GLT8D2: variants seen among roughly 807,000 people sequenced by gnomAD.
The protein encoded by GLT8D2 is glycosyltransferase 8 domain-containing protein 2.
GLT8D2 carries 45 observed loss-of-function variants against 44.5 expected under a neutral mutation model. The ratio of observed to expected loss-of-function variants is 1.01; its 90% CI spans 0.80 to 1.30. The LOEUF (loss-of-function observed/expected upper bound fraction) is 1.30. GLT8D2 is among the 50% of genes most tolerant of loss of function. The pLI, the probability that GLT8D2 is intolerant of heterozygous loss-of-function variation, is 0.00. For missense variants in GLT8D2, 400 were observed against 430.4 expected, an observed-to-expected ratio of 0.93 and a Z score of 0.62; for synonymous variants, 156 against 157.2, an observed-to-expected ratio of 0.99 and a Z score of 0.06.
At chr12:104,064,349 C>T (rs1882962242), upstream of GLT8D2, 2 of 449,190 alleles carry the variant, frequency 4.5e-6, no homozygotes, top group South Asian at 5.2e-5. The surrounding 1 kb of genome is among the most constrained non-coding windows in gnomAD (Gnocchi z 7.3). Context: ...CGGGTGGCCG[C>T]TGGCCAAGTC....
At chr12:103,991,670 A>G (rs2583274) in intron 10 of GLT8D2, among the ~76,000 whole-genome samples, 136,810 of 152,078 alleles carry the variant, frequency 0.9, 61,625 homozygotes, top group East Asian at 1. Flanking sequence ...CAACATGACT[A>G]TAAATCAAAT....
chr12:104,049,306 A>G (rs1217333136), intron 1 of GLT8D2: 1 of 151,360 alleles, frequency 6.6e-6, no homozygotes, highest in African/African-American at 2.4e-5. Context: ...TAAATTATAT[A>G]CCAGGCTTGT....
chr12:104,061,765 T>C (rs1326894410), intron 1 of GLT8D2, among the ~76,000 whole-genome samples: 2 of 151,804 alleles, frequency 1.3e-5, no homozygotes, highest in Non-Finnish European at 2.9e-5. Context: ...TCACCTGAGG[T>C]TGGGAGTTCA....
intron 1 of GLT8D2, among the ~76,000 whole-genome samples, chr12:104,046,964 A>G (rs1881217733): frequency 6.6e-6 from 1 of 152,060 alleles, no homozygotes; most frequent in Non-Finnish European, 1.5e-5. Context: ...AGCTGGGACA[A>G]TAGGCATGCA....
rs752975001 is a variant in GLT8D2, at chr12:103,994,347, T to G, written c.755A>C (p.Gln252Pro). ...AGCCTTCACGTACTCCACATTCTTT[T>G]GCATCCATTTCTCCAATTGCTTGGT... ...RITKQLEKWMQKNVEENLYSS... is the reference protein window; with the variant it reads ...RITKQLEKWMPKNVEENLYSS... Residue 252 changes from glutamine to proline, a missense_variant, in exon 9 of 11, where the codon CAA (glutamine) becomes CCA (proline). Coordinates refer to ENST00000360814, the MANE Select transcript of GLT8D2 (RefSeq NM_001384711.1). 1.2e-6 allele frequency: 2 copies of G among 1,611,798 alleles called. No homozygotes were observed. Among genetic ancestry groups the G allele is most frequent in the Middle Eastern group, 1.7e-4 (1 of 6,042 alleles).
intron 4 of GLT8D2, chr12:104,012,638 C>G (rs939025430): frequency 8.6e-6 from 4 of 466,804 alleles, no homozygotes; most frequent in Non-Finnish European, 1.5e-5. Flanking sequence ...CCTTCTCTCT[C>G]TCTCTCTTTT....
chr12:104,039,910 T>C (rs1443524780), intron 1 of GLT8D2, among the ~76,000 whole-genome samples: 1 of 152,186 alleles, frequency 6.6e-6, no homozygotes, highest in Non-Finnish European at 1.5e-5. Flanking sequence ...TGTCCATCAA[T>C]GATAGACTGA....
At chr12:104,032,541 C>T (rs1045779649) in intron 1 of GLT8D2, among the ~76,000 whole-genome samples, 19 of 141,818 alleles carry the variant, frequency 1.3e-4, no homozygotes, top group African/African-American at 5.2e-4. Context: ...ACACAAATGG[C>T]CAAGAGGTAT....
intron 1 of GLT8D2, among the ~76,000 whole-genome samples, chr12:104,033,433 A>G (rs1879556283): frequency 6.6e-6 from 1 of 152,170 alleles, no homozygotes; most frequent in Admixed American, 6.6e-5. Context: ...GTTCACTTAT[A>G]TGAGAAATCT....
chr12:104,028,332 C>G (rs1450443554), intron 1 of GLT8D2, among the ~76,000 whole-genome samples: 2 of 152,034 alleles, frequency 1.3e-5, no homozygotes, highest in Non-Finnish European at 2.9e-5. Flanking sequence ...AAAGATTTGG[C>G]ATGCCTGAAT....
intron 1 of GLT8D2, among the ~76,000 whole-genome samples, chr12:104,055,345 C>A (rs754616978): frequency 1.3e-5 from 2 of 152,202 alleles, no homozygotes; most frequent in Non-Finnish European, 2.9e-5. Context: ...GAGAGTAGAT[C>A]TGTAGAAGTA....
chr12:104,042,500 A>G (rs907817805), intron 1 of GLT8D2, among the ~76,000 whole-genome samples: 1 of 152,236 alleles, frequency 6.6e-6, no homozygotes, highest in Non-Finnish European at 1.5e-5. Context: ...CCAGTAGATT[A>G]AGTAGGTTCT....
chr12:104,059,083 C>T (rs1181112023), intron 1 of GLT8D2, among the ~76,000 whole-genome samples: 1 of 152,168 alleles, frequency 6.6e-6, no homozygotes, highest in Non-Finnish European at 1.5e-5. Flanking sequence ...TTACAAATTG[C>T]TTATTTCTGG....
In GLT8D2 at chr12:103,997,473, C is replaced by T. The variant is rs1873593689; in HGVS notation, c.465G>A (p.Leu155=). The change falls in exon 7 of 11, where the codon TTG becomes TTA. Residue 155 remains leucine, a synonymous_variant. Coordinates refer to ENST00000360814, the MANE Select transcript of GLT8D2 (RefSeq NM_001384711.1). ...TACCTTGTACAATTACATCATCGTC[C>T]AAATAGATGACTTTCTCGTGTTGGT... ...LIHQHEKVIY[L]DDDVIVQGDI... is the part of the protein sequence containing the mutation. 2 of 1,613,190 alleles carry T rather than the reference C, an allele frequency of 1.2e-6. No individual in the cohort carries two copies. Among genetic ancestry groups the T allele is most frequent in the Non-Finnish European group, 1.7e-6 (2 of 1,179,372 alleles).
chr12:104,018,512 T>C (rs1282938994), intron 3 of GLT8D2, among the ~76,000 whole-genome samples: 1 of 152,026 alleles, frequency 6.6e-6, no homozygotes, highest in Non-Finnish European at 1.5e-5. Flanking sequence ...AAAACAAAAC[T>C]ACAGAGAAGC....
intron 1 of GLT8D2, among the ~76,000 whole-genome samples, chr12:104,060,907 A>G (rs910990567): frequency 2.6e-5 from 4 of 151,922 alleles, no homozygotes; most frequent in African/African-American, 9.7e-5. Context: ...TGGATGACAG[A>G]GCCAGACCTT....
chr12:104,054,761 G>T (rs552062281), upstream of GLT8D2, among the ~76,000 whole-genome samples: 2 of 152,098 alleles, frequency 1.3e-5, no homozygotes, highest in African/African-American at 4.8e-5. Context: ...GGTGTCTTTT[G>T]CCCTTTCTTC....
intron 1 of GLT8D2, among the ~76,000 whole-genome samples, chr12:104,061,921 A>G (rs1177514161): frequency 6.7e-6 from 1 of 148,516 alleles, no homozygotes; most frequent in Non-Finnish European, 1.5e-5. Flanking sequence ...GGTTGCAGTG[A>G]GCCAATATCG....
At chr12:104,051,070 T>C (rs749086057), upstream of GLT8D2, among the ~76,000 whole-genome samples, 239 of 152,020 alleles carry the variant, frequency 1.6e-3, 1 homozygote, top group Non-Finnish European at 2.8e-3. Context: ...CGCCTCAGCC[T>C]CCCAAAGTGC....
Sources: gnomAD v4.1 joint callset for allele counts (sites outside exome capture counted in the v4.1 genomes callset) on GRCh38, gnomAD v4.1.1 for gene constraint, Gnocchi (gnomAD v3.1) non-coding constraint, MANE v1.5 for transcripts, NCBI Gene and HGNC (gene_info 2026-07-23, HGNC 2026-07-21) for gene names.